The following ZNF331 variants were observed in gnomAD, a reference collection of about 807,000 sequenced individuals.
ZNF331 encodes C2H2-like zinc finger protein rearranged in thyroid adenomas.
In ZNF331, 2 loss-of-function variants were observed where a neutral mutation model predicts 7.0. The observed-to-expected ratio is 0.29, with a 90% CI of 0.12 to 0.90. The LOEUF is 0.90. ZNF331 is among the 40% of genes least tolerant of loss of function. ZNF331 has a pLI of 0.58. For missense variants in ZNF331, 432 were observed against 587.7 expected (o/e 0.74, Z 2.74); for synonymous variants, 196 against 205.4 (o/e 0.95, Z 0.39).
Position 53,579,731 on chromosome 19 carries a change from C to T in ZNF331, c.*1779C>T. On this transcript the variant is annotated 3_prime_UTR_variant, in exon 6 of 6. Transcript: ENST00000449416. ...CGCAATGATTTCTTAGTACACAAAA[C>T]ACAGCAAACATAAAAAGTTGTTACA... The T allele has an allele frequency of 5.1e-6, 1 of 197,508 alleles. No individual in the cohort carries two copies. Among genetic ancestry groups the T allele is most frequent in the Non-Finnish European group, 1.0e-5 (1 of 95,368 alleles). The allele number at this position is 197,508 out of a possible 1,614,324, so 12.2% of individuals were successfully genotyped here.
chr19:53,528,442 T>A (rs1159836012), intron 2 of ZNF331, among the ~76,000 whole-genome samples: 1 of 152,226 alleles, frequency 6.6e-6, no homozygotes, highest in Non-Finnish European at 1.5e-5. Context: ...GTAATTGTTA[T>A]GTATTACTAT....
the ZNF331 span, chr19:53,503,422 T>A: frequency 1.8e-6 from 1 of 566,934 alleles, no homozygotes; most frequent in African/African-American, 1.9e-5. Flanking sequence ...ATGGGAACGA[T>A]CTTCTTATCG....
intron 5 of ZNF331, among the ~76,000 whole-genome samples, chr19:53,572,557 T>TACACACACATATATATTATATATAC (rs1568542199): frequency 1.1e-5 from 1 of 92,770 alleles, no homozygotes; most frequent in Non-Finnish European, 2.3e-5. Flanking sequence ...ATATTATATA[T>TACACACACATATATATTATATATAC]ACACACACAT....
intron 3 of ZNF331, among the ~76,000 whole-genome samples, chr19:53,559,133 C>T (rs1030876814): frequency 2.1e-5 from 3 of 143,072 alleles, no homozygotes; most frequent in African/African-American, 7.5e-5. Flanking sequence ...ACACACACAC[C>T]CCATGTACAC....
chr19:53,567,195 A>G (rs2090197697), intron 3 of ZNF331, among the ~76,000 whole-genome samples: 1 of 152,138 alleles, frequency 6.6e-6, no homozygotes, highest in Non-Finnish European at 1.5e-5. Flanking sequence ...TCTGGACTCA[A>G]AAGTGCTCTC....
intron 2 of ZNF331, among the ~76,000 whole-genome samples, chr19:53,546,162 T>TA (rs1568486289): frequency 1.0e-5 from 1 of 97,942 alleles, no homozygotes; most frequent in African/African-American, 3.1e-5. Flanking sequence ...AAAAAAAAAA[T>TA]TATTATTTAG....
At chr19:53,543,089 A>G (rs966544412) in intron 2 of ZNF331, among the ~76,000 whole-genome samples, 5 of 152,090 alleles carry the variant, frequency 3.3e-5, no homozygotes, top group African/African-American at 9.7e-5. Context: ...GATTACAGGC[A>G]TGAGCCACCG....
At chr19:53,564,019 G>A (rs2090027719) in intron 3 of ZNF331, among the ~76,000 whole-genome samples, 1 of 123,406 alleles carries the variant, frequency 8.1e-6, no homozygotes, top group Non-Finnish European at 1.7e-5. Flanking sequence ...GCGACAGAGC[G>A]AGACTTCATC....
At position 53,569,372 on chromosome 19, in the gene ZNF331, A is replaced by G; in HGVS notation, c.-5A>G. On this transcript the variant is annotated 5_prime_UTR_variant, in exon 4 of 6. Coordinates refer to ENST00000449416, the MANE Select transcript of ZNF331 (RefSeq NM_001079906.2). Reference sequence around the variant, plus strand: ...AAGACTGATCAGTTCTTCAGTTCTAAAACAATGGCCCAGGTAAGTGTATAT... The same window carrying G: ...AAGACTGATCAGTTCTTCAGTTCTAGAACAATGGCCCAGGTAAGTGTATAT... 1 of 1,613,942 alleles carries G rather than the reference A, an allele frequency of 6.2e-7. No homozygotes were observed. Among genetic ancestry groups the G allele is most frequent in the Non-Finnish European group, 8.5e-7 (1 of 1,179,960 alleles).
intron 2 of ZNF331, among the ~76,000 whole-genome samples, chr19:53,551,210 A>C (rs1008365885): frequency 2.0e-5 from 3 of 152,200 alleles, no homozygotes; most frequent in Admixed American, 6.5e-5. Context: ...AAAAAAATTC[A>C]GTCCTCTAAG....
Position 53,577,221 on chromosome 19 carries a change from G to A in ZNF331, c.661G>A (p.Gly221Arg). 1 of 1,613,716 alleles carries A rather than the reference G, an allele frequency of 6.2e-7. No homozygotes were observed. Among genetic ancestry groups the A allele is most frequent in the South Asian group, 1.1e-5 (1 of 91,054 alleles). The change falls in exon 6 of 6, where the codon GGA becomes AGA. Residue 221 changes from glycine (G) to arginine (R), a missense_variant. Physicochemically the swap from Gly to Arg is moderately radical, Grantham distance 125 (BLOSUM62 -2). Coordinates refer to ENST00000449416, the MANE Select transcript of ZNF331 (RefSeq NM_001079906.2). ...GEKPYECKDC[G>R]KAFRRGDELT... ...AAAACCCTATGAATGTAAAGACTGT[G>A]GAAAGGCCTTTCGGCGTGGTGATGA...
chr19:53,556,785 G>A (rs1399534380), intron 3 of ZNF331, among the ~76,000 whole-genome samples: 1 of 151,936 alleles, frequency 6.6e-6, no homozygotes, highest in Admixed American at 6.6e-5. Flanking sequence ...CTACTGGTGT[G>A]TGCCACCACA....
chr19:53,543,758 T>C (rs935005152), intron 2 of ZNF331, among the ~76,000 whole-genome samples: 4 of 152,174 alleles, frequency 2.6e-5, no homozygotes, highest in African/African-American at 9.7e-5. Flanking sequence ...TACCATGTAG[T>C]ACTTTTATTA....
the ZNF331 span, chr19:53,503,562 T>C: frequency 1.3e-6 from 1 of 743,810 alleles, no homozygotes; most frequent in Admixed American, 1.8e-5. Flanking sequence ...ACCGTATTCC[T>C]CCTCCCTAGA....
upstream of ZNF331, among the ~76,000 whole-genome samples, chr19:53,517,369 GA>G (rs2038475425): frequency 6.6e-6 from 1 of 151,968 alleles, no homozygotes; most frequent in South Asian, 2.1e-4. Context: ...AGCAGATAAG[GA>G]CATAAACAAG....
At chr19:53,515,519 C>T (rs908293699), upstream of ZNF331, among the ~76,000 whole-genome samples, 12 of 152,108 alleles carry the variant, frequency 7.9e-5, no homozygotes, top group African/African-American at 2.7e-4. Context: ...GTTTTTGAGA[C>T]GGAGTTTCGT....
At chr19:53,572,220 C>T (rs1033080912) in intron 5 of ZNF331, among the ~76,000 whole-genome samples, 1 of 152,054 alleles carries the variant, frequency 6.6e-6, no homozygotes, top group Middle Eastern at 3.2e-3. Context: ...ACATACCATA[C>T]CTGAAGTGAG....
upstream of ZNF331, among the ~76,000 whole-genome samples, chr19:53,519,791 T>A (rs73935606): frequency 0.017 from 2,557 of 152,158 alleles, 74 homozygotes; most frequent in African/African-American, 0.06. Flanking sequence ...CCGTGGAACC[T>A]ACTCAAGGTC....
intron 5 of ZNF331, among the ~76,000 whole-genome samples, chr19:53,574,785 A>C (rs2090625379): frequency 1.3e-5 from 2 of 152,164 alleles, no homozygotes; most frequent in Admixed American, 6.6e-5. Context: ...CGCGCCTATC[A>C]CTGCCCCTTC....
Sources: allele counts gnomAD v4.1 joint callset (sites outside exome capture counted in the v4.1 genomes callset), GRCh38; gene constraint gnomAD v4.1.1; transcripts MANE v1.5; gene names NCBI Gene and HGNC (gene_info 2026-07-23, HGNC 2026-07-21).